CD70: variants seen among roughly 807,000 people sequenced by gnomAD.
CD70 encodes CD70 molecule.
CD70 carries 6 observed loss-of-function variants against 9.0 expected under a neutral mutation model. The observed-to-expected ratio is 0.67, with a 90% CI of 0.37 to 1.32. The LOEUF (loss-of-function observed/expected upper bound fraction) is 1.32, where lower values mean the gene tolerates loss of function less well. Ranked by LOEUF, CD70 falls within the 40% of genes most tolerant of loss-of-function variation. CD70 has a pLI of 0.02. For missense variants in CD70, 235 were observed against 258.7 expected (o/e 0.91, Z 0.63); for synonymous variants, 108 against 112.3 (o/e 0.96, Z 0.24).
chr19:6,583,551 GTCTTTTTTTTTT>G (rs1915958220), downstream of CD70: 2 of 405,536 alleles, frequency 4.9e-6, no homozygotes, highest in Middle Eastern at 4.9e-4. Context: ...GTTAATTGTA[GTCTTTTTTTTTT>G]TTTTTTTTTT....
rs1412537329 is a variant in CD70 at position 6,591,096 on chromosome 19, G to A, written c.-94C>T. ...GAAGGAAACTGCAGCCCCCTCCCGG[G>A]GCTCCTGGGCGTCTACTTGCTTCAA... On this transcript the variant is annotated 5_prime_UTR_variant, in exon 1 of 3. Transcript: ENST00000245903. 1.3e-5 allele frequency: 17 copies of A among 1,349,898 alleles called. No homozygotes were observed. The highest frequency in any genetic ancestry group is 1.7e-5 in the Non-Finnish European group (17 of 1,016,874). 83.6% of individuals were successfully genotyped at this position (1,349,898 alleles called of 1,614,324 possible). A position where few individuals can be genotyped will look rare whatever the true frequency, so the allele number is the denominator to read the frequency against.
chr19:6,589,612 A>G (rs1205708490), intron 2 of CD70, among the ~76,000 whole-genome samples: 1 of 150,422 alleles, frequency 6.6e-6, no homozygotes, highest in African/African-American at 2.4e-5. Context: ...CTGGTCTCAA[A>G]CTCCTGGGCT....
chr19:6,586,556 T>C (rs1916022627), intron 2 of CD70, 151 bp from the exon 3 acceptor site: 3 of 879,172 alleles, frequency 3.4e-6, no homozygotes, highest in Admixed American at 2.9e-5. Context: ...CCTAACAGTT[T>C]AGGAGGCCAA....
downstream of CD70, among the ~76,000 whole-genome samples, chr19:6,584,315 C>G (rs888510410): frequency 2.5e-4 from 38 of 149,170 alleles, no homozygotes; most frequent in African/African-American, 9.1e-4. Flanking sequence ...CGAGACCATC[C>G]TGGCCAACAT....
rs367559536 is a variant in CD70 at position 6,586,417 on chromosome 19, G to A, written c.197-12C>T. 88 of 1,591,564 alleles carry A rather than the reference G, an allele frequency of 5.5e-5. No homozygotes were observed. In the African/African-American group the frequency reaches 1.0e-3, roughly 19 times the overall value. On this transcript the variant is annotated splice_polypyrimidine_tract_variant and intron_variant, in intron 2 of 2. Transcript: ENST00000245903. ...GTCCTGCTGAGGTCCTGGGGGCACA[G>A]GGTTAGAGGGATGAGAGGATGGAGG... is the stretch of plus-strand genomic sequence containing the variant.
chr19:6,586,476 A>G, intron 2 of CD70, 71 bp from the exon 3 acceptor site: 1 of 1,451,936 alleles, frequency 6.9e-7, no homozygotes, highest in Non-Finnish European at 9.2e-7. Context: ...GGTCATAGAG[A>G]AAGTCAGATA....
rs1916005044 is a variant in CD70 at position 6,585,936 on chromosome 19, CG to C, written c.*83del. Reference sequence around the variant, plus strand: ...CCCCACCACACTCCCACCCCAACCCCGGGTGGCCCCTGTGTGTACACTTTTT... The same window carrying C: ...CCCCACCACACTCCCACCCCAACCCCGGTGGCCCCTGTGTGTACACTTTTT... On this transcript the variant is annotated 3_prime_UTR_variant, in exon 3 of 3. Coordinates refer to ENST00000245903, the MANE Select transcript of CD70 (RefSeq NM_001252.5). The C allele has an allele frequency of 1.4e-5, 15 of 1,046,582 alleles. No individual in the cohort carries two copies. The South Asian group carries it at 2.4e-4, about 17-fold the overall frequency. The allele number at this position is 1,046,582 out of a possible 1,614,324, so 64.8% of individuals were successfully genotyped here. A position where few individuals can be genotyped will look rare whatever the true frequency, so the allele number is the denominator to read the frequency against.
chr19:6,588,396 G>T (rs549309038), intron 2 of CD70, among the ~76,000 whole-genome samples: 5 of 152,016 alleles, frequency 3.3e-5, no homozygotes, highest in African/African-American at 4.8e-5. Flanking sequence ...GGGAGGGGGG[G>T]AAGATATATC....
rs150079187 is a variant in CD70 at position 6,588,437 on chromosome 19, C to A, written c.196+1666G>T. On this transcript the variant is annotated intron_variant, in intron 2 of 2. Transcript: ENST00000245903. ...TCAGAGACCCAAGGAGAAGAGAGAG[C>A]AACAAAGGTCCCTTCCATTACAAAA... is the stretch of plus-strand genomic sequence containing the variant. Among the ~76,000 whole-genome samples the A allele has an allele frequency of 9.7e-4, 147 of 152,242 alleles. 2 individuals carry two copies. In the East Asian group the frequency reaches 0.022, roughly 23 times the overall value.
downstream of CD70, among the ~76,000 whole-genome samples, chr19:6,584,928 A>G (rs1915985975): frequency 6.6e-6 from 1 of 151,834 alleles, no homozygotes; most frequent in Non-Finnish European, 1.5e-5. Context: ...ACCTCAAGTG[A>G]TCTTTTATTA....
At position 6,588,208 on chromosome 19, in the gene CD70, G is replaced by C. The variant is rs562849574; in HGVS notation, c.197-1803C>G. On this transcript the variant is annotated intron_variant, in intron 2 of 2. Transcript: ENST00000245903. ...CAAATTTCCTGTAAGAGTGACACCT[G>C]GTCCCCTGTCACACACTTAGGCATG... Among the ~76,000 whole-genome samples the C allele has an allele frequency of 2.8e-4, 42 of 152,260 alleles. No individual in the cohort carries two copies. In the East Asian group the frequency reaches 7.9e-3, roughly 29 times the overall value.
rs1916149714 is a variant in CD70, at chr19:6,591,089, C to T, written c.-87G>A. On this transcript the variant is annotated 5_prime_UTR_variant, in exon 1 of 3. Coordinates refer to ENST00000245903, the MANE Select transcript of CD70 (RefSeq NM_001252.5). ...AAGGAAGGAAGGAAACTGCAGCCCCCTCCCGGGGCTCCTGGGCGTCTACTT... is the reference window on the plus strand; with the variant it reads ...AAGGAAGGAAGGAAACTGCAGCCCCTTCCCGGGGCTCCTGGGCGTCTACTT... 2 of 1,367,250 alleles carry T rather than the reference C, an allele frequency of 1.5e-6. No homozygotes were observed. The highest frequency in any genetic ancestry group is 2.7e-5 in the Admixed American group (1 of 37,406). The allele number at this position is 1,367,250 out of a possible 1,614,324, so 84.7% of individuals were successfully genotyped here.
chr19:6,585,613 A>G (rs565769854), downstream of CD70, among the ~76,000 whole-genome samples: 1 of 152,176 alleles, frequency 6.6e-6, no homozygotes, highest in East Asian at 1.9e-4. Context: ...AAGTGCTGGG[A>G]TTACAGGCAT....
In CD70 at chr19:6,590,872, G is replaced by A. The variant is rs898150658; in HGVS notation, c.131C>T (p.Ala44Val). The A allele has an allele frequency of 7.4e-6, 12 of 1,613,864 alleles. No individual in the cohort carries two copies. The highest frequency in any genetic ancestry group is 2.2e-5 in the South Asian group (2 of 91,084). ...LVVCIQRFAQ[A>V]QQQLPLESLG... ...TGACTCGAGCGGCAGCTGCTGCTGA[G>A]CCTGTGCGAAGCGCTGGATGCACAC... The change falls in exon 1 of 3, where the codon GCT becomes GTT. Residue 44 changes from alanine (A) to valine (V), a missense_variant. Ala to Val is a moderately conservative substitution (Grantham distance 64, BLOSUM62 0). Coordinates refer to ENST00000245903, the MANE Select transcript of CD70 (RefSeq NM_001252.5). This position sits in a 1 kb window ranked among gnomAD's most constrained non-coding sequence, Gnocchi z 5.3.
Position 6,590,710 on chromosome 19 carries a change from GC to G in CD70, c.162+130del. 3.7e-6 allele frequency: 3 copies of G among 810,514 alleles called. No individual in the cohort carries two copies. Among genetic ancestry groups the G allele is most frequent in the Non-Finnish European group, 5.8e-6 (3 of 515,156 alleles). The allele number at this position is 810,514 out of a possible 1,614,324, so 50.2% of individuals were successfully genotyped here. A position where few individuals can be genotyped will look rare whatever the true frequency, so the allele number is the denominator to read the frequency against. Reference sequence around the variant, plus strand: ...CACCGGGCAGCCTGGTCCCCGCCTCGCCTCCCTGTTCTGGTCTCTGTCTCTG... The same window carrying G: ...CACCGGGCAGCCTGGTCCCCGCCTCGCTCCCTGTTCTGGTCTCTGTCTCTG... On this transcript the variant is annotated intron_variant, in intron 1 of 2. Transcript: ENST00000245903. This position sits in a 1 kb window ranked among gnomAD's most constrained non-coding sequence, Gnocchi z 5.3.
At chr19:6,589,742 C>T (rs192622717) in intron 2 of CD70, among the ~76,000 whole-genome samples, 26 of 151,470 alleles carry the variant, frequency 1.7e-4, no homozygotes, top group African/African-American at 5.8e-4. Flanking sequence ...TCTCTTTCTC[C>T]GTCTCTCTCC....
At chr19:6,584,273 G>T (rs1260762517), downstream of CD70, among the ~76,000 whole-genome samples, 1 of 150,362 alleles carries the variant, frequency 6.7e-6, no homozygotes, top group African/African-American at 2.4e-5. Context: ...ACTTTGGGAG[G>T]CCGAGGCGGG....
intron 2 of CD70, among the ~76,000 whole-genome samples, chr19:6,588,491 G>A (rs1054569572): frequency 6.6e-6 from 1 of 152,244 alleles, no homozygotes; most frequent in African/African-American, 2.4e-5. Flanking sequence ...CAAGCGTGCA[G>A]TAATTTTAGT....
chr19:6,586,160 G>A lies in CD70; in HGVS notation c.442C>T (p.His148Tyr), dbSNP rs1277748513. ...RSISLLRLSF[H>Y]QGCTIASQRL... ...TGGGAGGCAATGGTACAACCTTGGT[G>A]GAAGCTGAGACGCAGCAGGCTGATG... The change falls in exon 3 of 3, where the codon CAC (histidine) becomes TAC (tyrosine). Residue 148 changes from histidine (H) to tyrosine (Y), a missense_variant. By Grantham distance (83) the His-to-Tyr change is moderately conservative (BLOSUM62 2). Transcript: ENST00000245903. 3 of 1,614,152 alleles carry A rather than the reference G, an allele frequency of 1.9e-6. No homozygotes were observed. The highest frequency in any genetic ancestry group is 3.3e-5 in the Admixed American group (2 of 60,034).
Sources: gnomAD v4.1 joint callset for allele counts (sites outside exome capture counted in the v4.1 genomes callset) on GRCh38, gnomAD v4.1.1 for gene constraint, Gnocchi (gnomAD v3.1) non-coding constraint, MANE v1.5 for transcripts, NCBI Gene and HGNC (gene_info 2026-07-23, HGNC 2026-07-21) for gene names.